NVL: variants seen among roughly 807,000 people sequenced by gnomAD.
NVL encodes the protein nuclear valosin-containing protein-like.
In NVL, 84 loss-of-function variants were observed where a neutral mutation model predicts 110.2. The observed-to-expected ratio is 0.76, with a 90% CI of 0.64 to 0.91. The LOEUF (loss-of-function observed/expected upper bound fraction) is 0.91. Ranked by LOEUF, NVL falls within the 40% of genes least tolerant of loss-of-function variation. The pLI is 0.00. For missense variants in NVL, 882 were observed against 1,035.9 expected (o/e 0.85, Z 2.04); for synonymous variants, 354 against 361.1 (o/e 0.98, Z 0.22).
intron 19 of NVL, among the ~76,000 whole-genome samples, chr1:224,246,281 C>T (rs539065459): frequency 5.3e-5 from 8 of 151,170 alleles, no homozygotes; most frequent in South Asian, 4.2e-4. Flanking sequence ...CCACCTGCCT[C>T]GGCCTCCCAA....
intron 19 of NVL, among the ~76,000 whole-genome samples, chr1:224,245,783 A>G (rs1661738203): frequency 6.6e-6 from 1 of 151,360 alleles, no homozygotes; most frequent in South Asian, 2.1e-4. Flanking sequence ...GTGAAACCTC[A>G]TTTCTCTAAA....
Position 224,303,807 on chromosome 1 carries a change from G to A in NVL, c.876C>T (p.His292=), listed in dbSNP as rs766285872. 39 of 1,613,738 alleles carry A rather than the reference G, an allele frequency of 2.4e-5. No homozygotes were observed. The highest frequency in any genetic ancestry group is 3.4e-6 in the Non-Finnish European group (4 of 1,179,884). The change falls in exon 9 of 23, where the codon CAC becomes CAT. Residue 292 remains histidine (H), a synonymous_variant. Transcript: ENST00000281701. Reference sequence around the variant, plus strand: ...CTCCACGAGGGGGCACGACGCCCAGGTGGTGGTACACCTCCGGGTGACGCA... The same window carrying A: ...CTCCACGAGGGGGCACGACGCCCAGATGGTGGTACACCTCCGGGTGACGCA... ...IHMRHPEVYH[H]LGVVPPRGVL...
chr1:224,293,470 T>C (rs1571975393), intron 12 of NVL, among the ~76,000 whole-genome samples: 1 of 152,314 alleles, frequency 6.6e-6, no homozygotes, highest in East Asian at 1.9e-4. Flanking sequence ...TGGATATTTA[T>C]TTGCTCTATG....
At chr1:224,274,397 G>A in intron 17 of NVL, among the ~76,000 whole-genome samples, 1 of 152,022 alleles carries the variant, frequency 6.6e-6, no homozygotes, top group Non-Finnish European at 1.5e-5. Flanking sequence ...CACTTTTTGG[G>A]AGGCTGAGGC....
intron 15 of NVL, among the ~76,000 whole-genome samples, chr1:224,285,084 T>C (rs1666724328): frequency 6.6e-6 from 1 of 152,216 alleles, no homozygotes; most frequent in African/African-American, 2.4e-5. Flanking sequence ...TGTATCAATA[T>C]ATACTGACGT....
intron 17 of NVL, 144 bp from the exon 18 acceptor site, chr1:224,268,277 G>C: frequency 1.6e-6 from 1 of 610,044 alleles, no homozygotes; most frequent in Non-Finnish European, 2.9e-6. Flanking sequence ...CAGACACTGT[G>C]CAAAATGTGT....
At chr1:224,303,336 G>A (rs1340201927) in intron 9 of NVL, among the ~76,000 whole-genome samples, 4 of 151,950 alleles carry the variant, frequency 2.6e-5, no homozygotes, top group Non-Finnish European at 5.9e-5. Flanking sequence ...TGGGGAGGCT[G>A]AGGCAGGAGA....
chr1:224,231,350 TA>T, intron 21 of NVL, 54 bp from the exon 22 acceptor site: 1 of 1,438,208 alleles, frequency 7.0e-7, no homozygotes, highest in South Asian at 1.1e-5. Context: ...GTAACTGACT[TA>T]GAACTTAACT....
chr1:224,325,237 G>A (rs1228873946), intron 2 of NVL, among the ~76,000 whole-genome samples: 1 of 151,540 alleles, frequency 6.6e-6, no homozygotes, highest in Non-Finnish European at 1.5e-5. Context: ...ACTCCAGCCT[G>A]GGCGACAGAG....
At chr1:224,311,526 G>T (rs1471809673) in intron 5 of NVL, among the ~76,000 whole-genome samples, 2 of 151,132 alleles carry the variant, frequency 1.3e-5, no homozygotes. Context: ...ATGCCACCAT[G>T]CCCGGCTAAC....
At chr1:224,260,386 G>A (rs930600990) in intron 18 of NVL, among the ~76,000 whole-genome samples, 3 of 152,090 alleles carry the variant, frequency 2.0e-5, no homozygotes, top group Admixed American at 1.3e-4. Context: ...AGTCTCCTGA[G>A]TAGCTGGGAC....
intron 5 of NVL, among the ~76,000 whole-genome samples, chr1:224,309,813 A>G (rs1460832673): frequency 6.6e-6 from 1 of 152,096 alleles, no homozygotes; most frequent in Non-Finnish European, 1.5e-5. Context: ...TGGATCACTC[A>G]AGGCCAGGAG....
intron 19 of NVL, among the ~76,000 whole-genome samples, chr1:224,248,885 G>A (rs1662150218): frequency 6.6e-6 from 1 of 152,218 alleles, no homozygotes; most frequent in Non-Finnish European, 1.5e-5. Flanking sequence ...CCACTTTCCA[G>A]GGAGCTGGAC....
intron 19 of NVL, among the ~76,000 whole-genome samples, chr1:224,243,466 C>T (rs1661440133): frequency 6.6e-6 from 1 of 151,712 alleles, no homozygotes; most frequent in African/African-American, 2.4e-5. Flanking sequence ...GTCTCAACAA[C>T]AACAACAACA....
chr1:224,296,018 C>T (rs1667849432), intron 11 of NVL, among the ~76,000 whole-genome samples: 1 of 148,206 alleles, frequency 6.7e-6, no homozygotes, highest in Admixed American at 6.8e-5. Flanking sequence ...GTGGTCACAG[C>T]TATTTGGGAG....
intron 19 of NVL, among the ~76,000 whole-genome samples, chr1:224,241,856 C>CAAA (rs34996211): frequency 3.8e-5 from 5 of 132,794 alleles, no homozygotes; most frequent in African/African-American, 1.1e-4. Context: ...GACCTCGTCT[C>CAAA]AAAAAAAAAA....
intron 13 of NVL, among the ~76,000 whole-genome samples, chr1:224,288,897 ACTG>A (rs1346200199): frequency 1.3e-5 from 2 of 152,336 alleles, no homozygotes; most frequent in East Asian, 1.9e-4. Flanking sequence ...TGGACTGATA[ACTG>A]TCCCCTATTA....
At chr1:224,325,348 G>C (rs1391732563) in intron 2 of NVL, among the ~76,000 whole-genome samples, 1 of 151,660 alleles carries the variant, frequency 6.6e-6, no homozygotes, top group Admixed American at 6.6e-5. Flanking sequence ...AAGGTGGAAG[G>C]ATCACTTGAG....
intron 8 of NVL, among the ~76,000 whole-genome samples, chr1:224,304,432 TAAATA>T (rs1414978717): frequency 6.6e-6 from 1 of 151,514 alleles, no homozygotes; most frequent in Non-Finnish European, 1.5e-5. Context: ...TCAAAATAAA[TAAATA>T]AAATAAAATA....
Sources: allele counts gnomAD v4.1 joint callset (sites outside exome capture counted in the v4.1 genomes callset), GRCh38; gene constraint gnomAD v4.1.1; transcripts MANE v1.5; gene names NCBI Gene and HGNC (gene_info 2026-07-23, HGNC 2026-07-21).